The following IMMP2L variants were observed in gnomAD, a reference collection of about 807,000 sequenced individuals.
IMMP2L encodes the protein mitochondrial inner membrane protease subunit 2.
IMMP2L carries 18 observed loss-of-function variants against 19.3 expected under a neutral mutation model. That is an observed-to-expected ratio of 0.93 (90% CI 0.64 to 1.38). The LOEUF (loss-of-function observed/expected upper bound fraction) is 1.38. Among genes scored for constraint, IMMP2L ranks in the 40% most tolerant of loss-of-function variants. The probability of loss-of-function intolerance (pLI) is 0.00; values close to 1 mark genes in which losing one functional copy is unlikely to be tolerated. For missense variants in IMMP2L, 233 were observed against 218.2 expected (o/e 1.07, Z -0.43); for synonymous variants, 76 against 73.0 (o/e 1.04, Z -0.21).
chr7:110,879,110 T>C (rs1442017759), intron 5 of IMMP2L, among the ~76,000 whole-genome samples: 3 of 152,066 alleles, frequency 2.0e-5, no homozygotes, highest in Non-Finnish European at 2.9e-5. Flanking sequence ...CAGTCTGTTA[T>C]AGCAGGCGCG....
At chr7:110,699,130 C>T (rs765863628) in intron 5 of IMMP2L, among the ~76,000 whole-genome samples, 1 of 152,108 alleles carries the variant, frequency 6.6e-6, no homozygotes, top group Non-Finnish European at 1.5e-5. Context: ...TTATTCTTCC[C>T]CATAACTCCT....
chr7:110,868,670 G>C (rs897595661), intron 5 of IMMP2L, among the ~76,000 whole-genome samples: 101 of 152,004 alleles, frequency 6.6e-4, no homozygotes, highest in African/African-American at 2.4e-3. Flanking sequence ...CATTGGGCAG[G>C]CATTGCTCTG....
At chr7:111,047,420 T>A (rs1249628814) in intron 3 of IMMP2L, among the ~76,000 whole-genome samples, 1 of 152,096 alleles carries the variant, frequency 6.6e-6, no homozygotes. Flanking sequence ...ACTCCTGACC[T>A]CAGGTGATCC....
chr7:111,252,357 C>T (rs1816238693), intron 3 of IMMP2L, among the ~76,000 whole-genome samples: 1 of 151,980 alleles, frequency 6.6e-6, no homozygotes, highest in Non-Finnish European at 1.5e-5. Flanking sequence ...TAGAAATATG[C>T]CAATGGAAAA....
rs150595241 is a variant in IMMP2L, at chr7:110,730,887, G to C, written c.409-67166C>G. On this transcript the variant is annotated intron_variant, in intron 5 of 5. Coordinates refer to ENST00000405709, the MANE Select transcript of IMMP2L (RefSeq NM_032549.4). The stretch of plus-strand genomic sequence containing the variant: ...TCTTATGGGACTTCACCTTGTGATC[G>C]TGTGAGTCAATACTCCTTAATAAAC... Among the ~76,000 whole-genome samples, 3 of 152,214 alleles carry C rather than the reference G, an allele frequency of 2.0e-5. No individual in the cohort carries two copies. The East Asian group carries it at 5.8e-4, about 29-fold the overall frequency.
At chr7:111,507,245 G>A (rs1845004806) in intron 2 of IMMP2L, among the ~76,000 whole-genome samples, 1 of 152,118 alleles carries the variant, frequency 6.6e-6, no homozygotes. Flanking sequence ...ATGAAAAATA[G>A]TTTTATTTTC....
intron 3 of IMMP2L, among the ~76,000 whole-genome samples, chr7:111,236,159 C>T (rs1336094164): frequency 2.0e-5 from 3 of 151,400 alleles, no homozygotes; most frequent in East Asian, 1.9e-4. Context: ...TTTTTTTTAA[C>T]TGATTGATGT....
At chr7:110,949,944 C>T (rs1383642701) in intron 4 of IMMP2L, among the ~76,000 whole-genome samples, 2 of 152,060 alleles carry the variant, frequency 1.3e-5, no homozygotes, top group African/African-American at 4.8e-5. Context: ...CCCTATGAAT[C>T]TAAAATAAAA....
At chr7:110,676,413 C>T (rs149005221) in intron 5 of IMMP2L, among the ~76,000 whole-genome samples, 40 of 152,226 alleles carry the variant, frequency 2.6e-4, no homozygotes, top group African/African-American at 9.7e-4. Flanking sequence ...GGCCATTGTT[C>T]AGCAACCCCT....
intron 3 of IMMP2L, among the ~76,000 whole-genome samples, chr7:111,161,861 G>C (rs547557303): frequency 6.6e-6 from 1 of 151,856 alleles, no homozygotes; most frequent in Admixed American, 6.6e-5. Context: ...TTTATTGACA[G>C]GACAATTTTT....
chr7:111,455,107 T>C (rs1839568474), intron 3 of IMMP2L, among the ~76,000 whole-genome samples: 1 of 151,880 alleles, frequency 6.6e-6, no homozygotes, highest in Admixed American at 6.6e-5. Flanking sequence ...TTTACAACCA[T>C]GCAGTTGTAA....
In IMMP2L at chr7:111,279,334, T is replaced by C. The variant is rs116459081; in HGVS notation, c.239+207904A>G. ...AGTGCCAACTTCCAGAAACTGTAAA[T>C]ATGACCTTATTTGGAAAAAGCTTTT... On this transcript the variant is annotated intron_variant, in intron 3 of 5. Transcript: ENST00000405709. 8.8e-3 allele frequency among the ~76,000 whole-genome samples: 1,335 copies of C among 152,198 alleles called. 24 individuals carry two copies. The highest frequency in any genetic ancestry group is 0.03 in the African/African-American group (1,257 of 41,538).
At chr7:111,390,318 C>T (rs1832220765) in intron 3 of IMMP2L, among the ~76,000 whole-genome samples, 1 of 152,168 alleles carries the variant, frequency 6.6e-6, no homozygotes, top group South Asian at 2.1e-4. Flanking sequence ...TCCTCCCCTG[C>T]TCAATCCTGT....
At chr7:110,678,076 C>G (rs111475623) in intron 5 of IMMP2L, among the ~76,000 whole-genome samples, 1 of 152,094 alleles carries the variant, frequency 6.6e-6, no homozygotes, top group Admixed American at 6.6e-5. Context: ...AGAACTCTTT[C>G]CTTCCTGAAG....
chr7:111,052,637 C>T (rs1016783495), intron 3 of IMMP2L, among the ~76,000 whole-genome samples: 9 of 152,118 alleles, frequency 5.9e-5, no homozygotes, highest in African/African-American at 1.9e-4. Flanking sequence ...GTAACCCAAC[C>T]ACCTTGGGCA....
chr7:111,468,173 A>T (rs1840860947), intron 3 of IMMP2L, among the ~76,000 whole-genome samples: 1 of 152,180 alleles, frequency 6.6e-6, no homozygotes. Flanking sequence ...TATAAAAGTC[A>T]GCTGAGCTGT....
intron 4 of IMMP2L, among the ~76,000 whole-genome samples, chr7:110,911,803 T>A (rs972268974): frequency 6.6e-6 from 1 of 152,168 alleles, no homozygotes; most frequent in Non-Finnish European, 1.5e-5. Flanking sequence ...TACTTTAACC[T>A]GTCTAATCTT....
At chr7:111,316,306 C>A (rs1215115662) in intron 3 of IMMP2L, among the ~76,000 whole-genome samples, 1 of 151,870 alleles carries the variant, frequency 6.6e-6, no homozygotes, top group Non-Finnish European at 1.5e-5. Context: ...CACAAGCCAG[C>A]CACCCCAAGT....
At chr7:111,212,180 C>G (rs545466848) in intron 3 of IMMP2L, among the ~76,000 whole-genome samples, 16 of 152,244 alleles carry the variant, frequency 1.1e-4, no homozygotes, top group African/African-American at 3.9e-4. Flanking sequence ...CTATCTCTCT[C>G]TCTCTCTCTT....
Sources: allele counts gnomAD v4.1 joint callset (sites outside exome capture counted in the v4.1 genomes callset), GRCh38; gene constraint gnomAD v4.1.1; transcripts MANE v1.5; gene names NCBI Gene and HGNC (gene_info 2026-07-23, HGNC 2026-07-21).